The following ASTN2 variants were observed in gnomAD, a reference collection of about 807,000 sequenced individuals.
ASTN2 encodes astrotactin-2.
In ASTN2, 54 loss-of-function variants were observed where a neutral mutation model predicts 139.8. The ratio of observed to expected loss-of-function variants is 0.39; its 90% confidence interval spans 0.31 to 0.48. ASTN2 has a LOEUF of 0.48. Ranked by LOEUF, ASTN2 falls within the 20% of genes least tolerant of loss-of-function variation. The pLI, the probability that ASTN2 is intolerant of heterozygous loss-of-function variation, is 0.95. For missense variants in ASTN2, 1,565 were observed against 1,725.1 expected (o/e 0.91, Z 1.64); for synonymous variants, 756 against 719.5 (o/e 1.05, Z -0.81).
chr9:116,689,679 A>G (rs1011272762), intron 16 of ASTN2, among the ~76,000 whole-genome samples: 1 of 152,196 alleles, frequency 6.6e-6, no homozygotes, highest in Admixed American at 6.5e-5. Flanking sequence ...GAGGATTGCC[A>G]GTGAGTATCA....
At chr9:117,195,614 A>G (rs1416907631) in intron 3 of ASTN2, among the ~76,000 whole-genome samples, 1 of 152,168 alleles carries the variant, frequency 6.6e-6, no homozygotes, top group Non-Finnish European at 1.5e-5. Context: ...GAGTCTGGAA[A>G]CTTAGGCTAG....
At chr9:116,460,583 T>C (rs1037061779) in intron 20 of ASTN2, among the ~76,000 whole-genome samples, 5 of 152,132 alleles carry the variant, frequency 3.3e-5, no homozygotes, top group African/African-American at 4.8e-5. Context: ...GTGTTACTTA[T>C]AGAGGAAATA....
At chr9:116,592,254 T>G (rs780383983) in intron 19 of ASTN2, among the ~76,000 whole-genome samples, 1 of 152,100 alleles carries the variant, frequency 6.6e-6, no homozygotes, top group Non-Finnish European at 1.5e-5. Flanking sequence ...GTTTAATTGG[T>G]TCACAGTTCC....
chr9:116,485,471 T>C (rs1849308105), intron 20 of ASTN2, among the ~76,000 whole-genome samples: 1 of 152,248 alleles, frequency 6.6e-6, no homozygotes, highest in East Asian at 1.9e-4. Context: ...TTAATCGCTC[T>C]TAATGTAGTC....
At position 117,414,213 on chromosome 9, in the gene ASTN2, G is replaced by A. The variant is rs139665806; in HGVS notation, c.442+284C>T. On this transcript the variant is annotated intron_variant, in intron 1 of 22. Transcript: ENST00000313400. This position sits in a 1 kb window ranked among gnomAD's most constrained non-coding sequence, Gnocchi z 4.2. ...AGTGAATGGGGTCTCCGGCTTCCGG[G>A]ATGGATCAAGCAGAGCTCCAGGTCG... Among the ~76,000 whole-genome samples, 330 of 152,180 alleles carry A rather than the reference G, an allele frequency of 2.2e-3. 1 individual carries two copies. Among genetic ancestry groups the A allele is most frequent in the African/African-American group, 6.1e-3 (252 of 41,564 alleles).
At chr9:116,677,915 A>G (rs1859606407) in intron 16 of ASTN2, among the ~76,000 whole-genome samples, 1 of 152,206 alleles carries the variant, frequency 6.6e-6, no homozygotes, top group Non-Finnish European at 1.5e-5. Context: ...GAAAAATATT[A>G]CAAGTGCTGA....
At chr9:117,302,621 C>T (rs1251817692) in intron 1 of ASTN2, among the ~76,000 whole-genome samples, 2 of 152,232 alleles carry the variant, frequency 1.3e-5, no homozygotes, top group Admixed American at 1.3e-4. Flanking sequence ...ACACCCCAAC[C>T]CAGGGGACTC....
chr9:117,059,395 C>T (rs367655911), intron 5 of ASTN2, among the ~76,000 whole-genome samples: 22 of 152,028 alleles, frequency 1.4e-4, no homozygotes, highest in East Asian at 3.9e-4. Flanking sequence ...GGGCGAATCA[C>T]GAGGTCAGGA....
intron 2 of ASTN2, among the ~76,000 whole-genome samples, chr9:117,221,624 CCTT>C (rs34029900): frequency 0.32 from 48,650 of 151,768 alleles, 7,832 homozygotes; most frequent in East Asian, 0.43. Flanking sequence ...CAAGTAATGT[CCTT>C]CTCTTCTCGT....
chr9:117,007,917 C>T (rs1837403353), intron 7 of ASTN2, among the ~76,000 whole-genome samples, 175 bp downstream of exon 7: 1 of 152,104 alleles, frequency 6.6e-6, no homozygotes, highest in South Asian at 2.1e-4. Flanking sequence ...AAGAATTTCC[C>T]CCCTTGAAAG....
intron 7 of ASTN2, among the ~76,000 whole-genome samples, chr9:116,983,752 A>T (rs1037733959): frequency 1.3e-5 from 2 of 152,192 alleles, no homozygotes; most frequent in African/African-American, 4.8e-5. Flanking sequence ...AGTTGGAAAT[A>T]TATTTATGTG....
At chr9:116,954,921 C>A (rs529846666) in intron 10 of ASTN2, among the ~76,000 whole-genome samples, 2 of 152,298 alleles carry the variant, frequency 1.3e-5, no homozygotes, top group South Asian at 2.1e-4. Flanking sequence ...GTGAGCCCAG[C>A]AATCTGTAGT....
At chr9:116,902,448 A>T (rs1212297201) in intron 10 of ASTN2, among the ~76,000 whole-genome samples, 1 of 152,224 alleles carries the variant, frequency 6.6e-6, no homozygotes, top group Non-Finnish European at 1.5e-5. Flanking sequence ...TAAAGTAAAA[A>T]ATATACCATA....
At chr9:117,375,008 C>G (rs999129012) in intron 1 of ASTN2, among the ~76,000 whole-genome samples, 1 of 152,210 alleles carries the variant, frequency 6.6e-6, no homozygotes, top group African/African-American at 2.4e-5. Flanking sequence ...CCTTCTTCCT[C>G]TGGATCTCCC....
intron 20 of ASTN2, among the ~76,000 whole-genome samples, chr9:116,443,183 A>C (rs951446660): frequency 3.9e-5 from 6 of 152,218 alleles, no homozygotes; most frequent in Non-Finnish European, 5.9e-5. Context: ...CTGAAGAAGA[A>C]ACTTCAGGAC....
At chr9:116,623,041 C>T (rs1856244250) in intron 17 of ASTN2, among the ~76,000 whole-genome samples, 1 of 152,076 alleles carries the variant, frequency 6.6e-6, no homozygotes, top group Non-Finnish European at 1.5e-5. Flanking sequence ...CCAGCCAACA[C>T]TGAAGGCTTA....
At chr9:116,837,091 A>G (rs1832023404) in intron 11 of ASTN2, among the ~76,000 whole-genome samples, 2 of 152,142 alleles carry the variant, frequency 1.3e-5, no homozygotes, top group Non-Finnish European at 1.5e-5. Context: ...TTTGTTTGCT[A>G]CTTTGAAGAG....
chr9:116,620,289 A>G, intron 18 of ASTN2, 21 bp downstream of exon 18: 1 of 1,614,050 alleles, frequency 6.2e-7, no homozygotes, highest in Non-Finnish European at 8.5e-7. Context: ...GGCCAAAGGA[A>G]AAGGGGCCAT....
intron 10 of ASTN2, among the ~76,000 whole-genome samples, chr9:116,931,555 G>A (rs757210327): frequency 6.6e-6 from 1 of 152,200 alleles, no homozygotes. Flanking sequence ...AACTTCTGAA[G>A]ATATAATCTG....
Sources: gnomAD v4.1 joint callset for allele counts (sites outside exome capture counted in the v4.1 genomes callset) on GRCh38, gnomAD v4.1.1 for gene constraint, Gnocchi (gnomAD v3.1) non-coding constraint, MANE v1.5 for transcripts, NCBI Gene and HGNC (gene_info 2026-07-23, HGNC 2026-07-21) for gene names.